The following XRCC5 variants were observed in gnomAD, a reference collection of about 807,000 sequenced individuals.
The protein encoded by XRCC5 is DNA repair protein Ku80.
XRCC5 carries 12 observed loss-of-function variants against 95.7 expected under a neutral mutation model. The ratio of observed to expected loss-of-function variants is 0.13; its 90% CI spans 0.08 to 0.20. The LOEUF is 0.20. XRCC5 is among the 10% of genes least tolerant of loss of function. The pLI is 1.00. For missense variants in XRCC5, 595 were observed against 873.9 expected, an observed-to-expected ratio of 0.68 and a Z score of 4.02; for synonymous variants, 281 against 290.3, an observed-to-expected ratio of 0.97 and a Z score of 0.33.
chr2:216,192,737 T>G lies in XRCC5; in HGVS notation c.2041+2T>G. On this transcript the variant is annotated splice_donor_variant, in intron 18 of 20. Transcript: ENST00000392132. LOFTEE classifies it high-confidence loss of function. ...ATTTCTGGGAAATTGTTGTCCAGGGTAAGTTGTCATTTGCCTTTTTTTTTA... is the reference window on the plus strand; with the variant it reads ...ATTTCTGGGAAATTGTTGTCCAGGGGAAGTTGTCATTTGCCTTTTTTTTTA... The G allele has an allele frequency of 6.4e-7, 1 of 1,566,598 alleles. No individual in the cohort carries two copies. Among genetic ancestry groups the G allele is most frequent in the Non-Finnish European group, 8.6e-7 (1 of 1,159,664 alleles).
At chr2:216,144,626 A>T (rs1256375765) in intron 13 of XRCC5, among the ~76,000 whole-genome samples, 7 of 152,252 alleles carry the variant, frequency 4.6e-5, no homozygotes, top group African/African-American at 1.7e-4. Context: ...CAGAATGAGC[A>T]GGTGGAAAAG....
At chr2:216,111,816 A>G (rs920567571) in intron 1 of XRCC5, among the ~76,000 whole-genome samples, 2 of 152,152 alleles carry the variant, frequency 1.3e-5, no homozygotes, top group South Asian at 2.1e-4. Context: ...ACAGTTTCCT[A>G]CCTTTTAGTA....
At chr2:216,187,517 TGTG>T (rs1347408961) in intron 16 of XRCC5, among the ~76,000 whole-genome samples, 26 of 133,600 alleles carry the variant, frequency 1.9e-4, no homozygotes, top group African/African-American at 7.7e-4. Flanking sequence ...TGTGTGTGTG[TGTG>T]TTCTATCATA....
chr2:216,151,632 T>C (rs368233138), intron 14 of XRCC5, among the ~76,000 whole-genome samples: 76 of 152,326 alleles, frequency 5.0e-4, no homozygotes, highest in African/African-American at 1.7e-3. Context: ...ATCTGTCTTA[T>C]AGAGTTGTCA....
chr2:216,164,848 T>C (rs1689024456), intron 16 of XRCC5, among the ~76,000 whole-genome samples: 3 of 152,186 alleles, frequency 2.0e-5, no homozygotes, highest in Admixed American at 2.0e-4. Context: ...CATTATTTCA[T>C]GCAGAGCAGA....
At chr2:216,120,009 C>G (rs1696776820) in intron 5 of XRCC5, among the ~76,000 whole-genome samples, 1 of 152,162 alleles carries the variant, frequency 6.6e-6, no homozygotes, top group African/African-American at 2.4e-5. Flanking sequence ...GAGTGGTAAG[C>G]CTTTGGCTTC....
At chr2:216,112,949 A>T (rs925749823) in intron 1 of XRCC5, 67 bp from the exon 2 acceptor site, 7 of 1,227,356 alleles carry the variant, frequency 5.7e-6, no homozygotes, top group Non-Finnish European at 7.1e-6. Flanking sequence ...ACAATAAGCA[A>T]GGGACATTCT....
intron 16 of XRCC5, among the ~76,000 whole-genome samples, chr2:216,183,525 A>T (rs1689432006): frequency 6.6e-6 from 1 of 152,198 alleles, no homozygotes; most frequent in Non-Finnish European, 1.5e-5. Context: ...ATAATAATTT[A>T]AAAATACAGG....
At chr2:216,190,425 C>A in intron 17 of XRCC5, 91 bp downstream of exon 17, 1 of 1,142,480 alleles carries the variant, frequency 8.8e-7, no homozygotes. Context: ...TGAGTCTGGG[C>A]CGTGGAAATT....
chr2:216,145,560 GTCACTTTC>G (rs1488070533), intron 13 of XRCC5, among the ~76,000 whole-genome samples: 3 of 152,150 alleles, frequency 2.0e-5, no homozygotes, highest in Non-Finnish European at 4.4e-5. Flanking sequence ...ACTCAGAAAT[GTCACTTTC>G]TCATAATCCC....
intron 2 of XRCC5, among the ~76,000 whole-genome samples, chr2:216,114,803 T>G (rs771740013): frequency 6.6e-6 from 1 of 152,138 alleles, no homozygotes; most frequent in Non-Finnish European, 1.5e-5. Context: ...CTTTAACTGG[T>G]ATAAAAGCTG....
chr2:216,179,166 A>G (rs1689334610), intron 16 of XRCC5, among the ~76,000 whole-genome samples: 1 of 152,158 alleles, frequency 6.6e-6, no homozygotes, highest in Non-Finnish European at 1.5e-5. Context: ...AATCTGTTCA[A>G]TGCTCTCTTG....
chr2:216,121,572 G>A (rs1350317093), intron 5 of XRCC5, among the ~76,000 whole-genome samples: 3 of 151,952 alleles, frequency 2.0e-5, no homozygotes, highest in Non-Finnish European at 2.9e-5. Flanking sequence ...TTTTAAGGTC[G>A]CTAATTCCAT....
chr2:216,117,825 G>A (rs1427327160), intron 4 of XRCC5, 31 bp downstream of exon 4: 6 of 1,611,436 alleles, frequency 3.7e-6, no homozygotes, highest in Non-Finnish European at 5.1e-6. Context: ...AGCTGGAAGA[G>A]AATCTTTTTG....
At chr2:216,138,583 T>C (rs1366961611) in intron 12 of XRCC5, among the ~76,000 whole-genome samples, 1 of 152,220 alleles carries the variant, frequency 6.6e-6, no homozygotes, top group African/African-American at 2.4e-5. Flanking sequence ...AACTTTTCTC[T>C]TTGCCCTGTT....
intron 19 of XRCC5, among the ~76,000 whole-genome samples, chr2:216,195,392 C>CTTTTCTTTTCTTTTCTT: frequency 2.1e-5 from 1 of 48,546 alleles, no homozygotes; most frequent in East Asian, 1.7e-3. Context: ...TTTCTTTTCT[C>CTTTTCTTTTCTTTTCTT]TTTCTTTTCT....
intron 13 of XRCC5, among the ~76,000 whole-genome samples, chr2:216,147,123 G>C (rs1190085265): frequency 6.6e-6 from 1 of 152,010 alleles, no homozygotes; most frequent in African/African-American, 2.4e-5. Context: ...TAGAGTGTCA[G>C]GGAAGGCCTC....
chr2:216,112,967 T>G lies in XRCC5; in HGVS notation c.22-49T>G, dbSNP rs745918127. ...ATAAGCAAGGGACATTCTTACAGTC[T>G]TTTCTTACGACTTATTTTCTCAAAC... is the stretch of plus-strand genomic sequence containing the variant. On this transcript the variant is annotated intron_variant, in intron 1 of 20. Transcript: ENST00000392132. The G allele has an allele frequency of 5.5e-6, 8 of 1,452,448 alleles. No homozygotes were observed. In the African/African-American group the frequency reaches 9.8e-5, roughly 18 times the overall value. The allele number at this position is 1,452,448 out of a possible 1,614,324, so 90.0% of individuals were successfully genotyped here. A position where few individuals can be genotyped will look rare whatever the true frequency, so the allele number is the denominator to read the frequency against.
Position 216,141,177 on chromosome 2 carries a change from C to G in XRCC5, c.1343-9C>G. 1.2e-6 allele frequency: 2 copies of G among 1,609,388 alleles called. No individual in the cohort carries two copies. Among genetic ancestry groups the G allele is most frequent in the Non-Finnish European group, 1.7e-6 (2 of 1,178,704 alleles). On this transcript the variant is annotated splice_polypyrimidine_tract_variant and intron_variant, in intron 12 of 20. Transcript: ENST00000392132. Reference sequence around the variant, plus strand: ...AATAATCATTTTTCTTTCGGCTTCTCTGTTTAAGAGGCACAGTTGAATGCT... The same window carrying G: ...AATAATCATTTTTCTTTCGGCTTCTGTGTTTAAGAGGCACAGTTGAATGCT...
Sources: allele counts gnomAD v4.1 joint callset (sites outside exome capture counted in the v4.1 genomes callset), GRCh38; gene constraint gnomAD v4.1.1; transcripts MANE v1.5; gene names NCBI Gene and HGNC (gene_info 2026-07-23, HGNC 2026-07-21).